Variants in TTC39B observed in about 807,000 individuals in gnomAD.
TTC39B encodes tetratricopeptide repeat domain 39B.
A neutral mutation model predicts 96.6 loss-of-function variants in TTC39B; 92 were observed. The ratio of observed to expected loss-of-function variants is 0.95; its 90% CI spans 0.80 to 1.13. The LOEUF is 1.13. Among genes scored for constraint, TTC39B ranks in the 50% most tolerant of loss-of-function variants. The pLI, the probability that TTC39B is intolerant of heterozygous loss-of-function variation, is 0.00. For missense variants in TTC39B, 955 were observed against 809.3 expected (o/e 1.18, Z -2.18); for synonymous variants, 367 against 299.4 (o/e 1.23, Z -2.33).
chr9:15,250,705 A>C (rs2131504071), intron 2 of TTC39B, among the ~76,000 whole-genome samples: 1 of 152,342 alleles, frequency 6.6e-6, no homozygotes, highest in Non-Finnish European at 1.5e-5. Context: ...TAGGCATAGG[A>C]AATACTAGTT....
At chr9:15,297,075 C>G (rs922251122) in intron 1 of TTC39B, among the ~76,000 whole-genome samples, 2 of 152,192 alleles carry the variant, frequency 1.3e-5, no homozygotes, top group Non-Finnish European at 2.9e-5. Flanking sequence ...CTGGCTGGAA[C>G]ACACTCACAG....
chr9:15,222,673 A>C lies in TTC39B; in HGVS notation c.371+3244T>G, dbSNP rs1224117784. Among the ~76,000 whole-genome samples the C allele has an allele frequency of 2.0e-5, 3 of 152,178 alleles. No homozygotes were observed. In the East Asian group the frequency reaches 5.8e-4, roughly 29 times the overall value. The stretch of plus-strand genomic sequence containing the variant: ...CTTGATTTGGTAACTAAAGCTACCA[A>C]AGTTCTGTACCCACACTGGGCTGAC... On this transcript the variant is annotated intron_variant, in intron 3 of 19. Coordinates refer to ENST00000512701, the Ensembl canonical transcript of TTC39B.
At chr9:15,278,353 C>T (rs1438304923) in intron 1 of TTC39B, among the ~76,000 whole-genome samples, 1 of 151,956 alleles carries the variant, frequency 6.6e-6, no homozygotes, top group African/African-American at 2.4e-5. Context: ...TAATAGAGTG[C>T]ATATGTAAAA....
rs371313712 is a variant in TTC39B, at chr9:15,175,252, A to G, written c.1842-117T>C. ...TGTGCAGCACTAAGTCTATTATCATAGAAAGGCGGCCATTGTATAGTTATG... is the reference window on the plus strand; with the variant it reads ...TGTGCAGCACTAAGTCTATTATCATGGAAAGGCGGCCATTGTATAGTTATG... On this transcript the variant is annotated intron_variant, in intron 18 of 19. Coordinates refer to ENST00000512701, the Ensembl canonical transcript of TTC39B. The G allele has an allele frequency of 5.7e-5, 39 of 681,716 alleles. 1 individual carries two copies. The highest frequency in any genetic ancestry group is 2.0e-4 in the African/African-American group (11 of 55,416). 42.2% of individuals were successfully genotyped at this position (681,716 alleles called of 1,614,324 possible).
chr9:15,253,074 CAT>C (rs1425398595), intron 2 of TTC39B, among the ~76,000 whole-genome samples: 3 of 152,196 alleles, frequency 2.0e-5, no homozygotes, highest in African/African-American at 4.8e-5. Context: ...CACAGATAAA[CAT>C]ATGTGTATCG....
intron 2 of TTC39B, among the ~76,000 whole-genome samples, chr9:15,258,949 C>T (rs138024278): frequency 1.3e-5 from 2 of 152,212 alleles, no homozygotes; most frequent in African/African-American, 4.8e-5. Context: ...TTCTCCTTCC[C>T]CCTGTGAATT....
At chr9:15,248,828 G>C (rs781114771) in intron 2 of TTC39B, among the ~76,000 whole-genome samples, 16 of 152,030 alleles carry the variant, frequency 1.1e-4, no homozygotes, top group Non-Finnish European at 1.6e-4. Context: ...ATTTTACCCT[G>C]CAGGAAGTCA....
chr9:15,298,116 G>A (rs1824447197), intron 1 of TTC39B, among the ~76,000 whole-genome samples: 1 of 152,150 alleles, frequency 6.6e-6, no homozygotes. Context: ...TTCTGGAGCT[G>A]GGAAGTCCTT....
chr9:15,303,647 T>C (rs1312687921), intron 1 of TTC39B, among the ~76,000 whole-genome samples: 1 of 152,044 alleles, frequency 6.6e-6, no homozygotes, highest in African/African-American at 2.4e-5. Flanking sequence ...TTTTTTTTTT[T>C]CTGAGATGGA....
chr9:15,213,407 T>A (rs1820321404), intron 4 of TTC39B, among the ~76,000 whole-genome samples: 1 of 152,202 alleles, frequency 6.6e-6, no homozygotes, highest in African/African-American at 2.4e-5. Flanking sequence ...CTATTCTAAA[T>A]CTTAACACAA....
chr9:15,237,483 A>C (rs1241576698), intron 2 of TTC39B, among the ~76,000 whole-genome samples: 1 of 152,198 alleles, frequency 6.6e-6, no homozygotes, highest in East Asian at 1.9e-4. Flanking sequence ...ACAAATGATC[A>C]TAAGAGACTC....
Position 15,189,581 on chromosome 9 carries a change from A to G in TTC39B, c.1226T>C (p.Leu409Pro), listed in dbSNP as rs749156183. Reference sequence around the variant, plus strand: ...TCCCACCTAATAAATTACCTCTTCAAGATTCCCTTTCAGCAACTCTATTCG... The same window carrying G: ...TCCCACCTAATAAATTACCTCTTCAGGATTCCCTTTCAGCAACTCTATTCG... Residue 409 changes from leucine (L) to proline (P), a missense_variant, in exon 13 of 20, where the codon CTT becomes CCT. Leu to Pro is a moderately conservative substitution (Grantham distance 98, BLOSUM62 -3). Coordinates refer to ENST00000512701, the Ensembl canonical transcript of TTC39B. 5 of 1,614,048 alleles carry G rather than the reference A, an allele frequency of 3.1e-6. No homozygotes were observed. In the Admixed American group the frequency reaches 8.3e-5, roughly 27 times the overall value.
chr9:15,210,924 T>C (rs1344523656), intron 5 of TTC39B, among the ~76,000 whole-genome samples: 1 of 152,200 alleles, frequency 6.6e-6, no homozygotes, highest in African/African-American at 2.4e-5. Context: ...CATTCCCTCA[T>C]GAATTTGCAT....
intron 2 of TTC39B, among the ~76,000 whole-genome samples, chr9:15,253,407 C>T (rs112039676): frequency 1.3e-5 from 2 of 152,288 alleles, no homozygotes; most frequent in African/African-American, 4.8e-5. Context: ...AGGAATGTAG[C>T]TCTAGATACT....
chr9:15,202,557 C>T (rs1251813378), intron 7 of TTC39B, among the ~76,000 whole-genome samples: 1 of 151,862 alleles, frequency 6.6e-6, no homozygotes, highest in African/African-American at 2.4e-5. Context: ...ACTGAAAATA[C>T]AAAAATTAGC....
At chr9:15,238,198 G>A (rs1184840721) in intron 2 of TTC39B, among the ~76,000 whole-genome samples, 1 of 152,090 alleles carries the variant, frequency 6.6e-6, no homozygotes, top group African/African-American at 2.4e-5. Context: ...CCTAAGGACT[G>A]AAACAAATGA....
chr9:15,240,480 AT>A (rs1821988699), intron 2 of TTC39B, among the ~76,000 whole-genome samples: 1 of 152,086 alleles, frequency 6.6e-6, no homozygotes, highest in African/African-American at 2.4e-5. Context: ...TAATCTTTAG[AT>A]TCTTTGTACT....
At chr9:15,184,210 T>G (rs946621421) in intron 16 of TTC39B, among the ~76,000 whole-genome samples, 11 of 152,298 alleles carry the variant, frequency 7.2e-5, no homozygotes, top group Middle Eastern at 3.4e-3. Context: ...TTTAAATTGG[T>G]AGAGCTTTTT....
At chr9:15,263,501 C>T (rs1048046312) in intron 2 of TTC39B, among the ~76,000 whole-genome samples, 2 of 152,152 alleles carry the variant, frequency 1.3e-5, no homozygotes, top group East Asian at 1.9e-4. Flanking sequence ...AAAATGAAAC[C>T]ACACCGCTGT....
Sources: gnomAD v4.1 joint callset for allele counts (sites outside exome capture counted in the v4.1 genomes callset) on GRCh38, gnomAD v4.1.1 for gene constraint, MANE v1.5 for transcripts, NCBI Gene and HGNC (gene_info 2026-07-23, HGNC 2026-07-21) for gene names.